CHST11: variants seen among roughly 807,000 people sequenced by gnomAD.
CHST11 encodes the protein carbohydrate sulfotransferase 11.
In CHST11, 9 loss-of-function variants were observed where a neutral mutation model predicts 30.4. The ratio of observed to expected loss-of-function variants is 0.30; its 90% confidence interval spans 0.18 to 0.52. CHST11 has a LOEUF of 0.52. Among genes scored for constraint, CHST11 ranks in the 20% least tolerant of loss-of-function variants. CHST11 has a pLI of 0.97. For missense variants in CHST11, 348 were observed against 460.6 expected (o/e 0.76, Z 2.24); for synonymous variants, 152 against 187.8 (o/e 0.81, Z 1.56).
chr12:104,579,855 G>A (rs114242114), intron 1 of CHST11, among the ~76,000 whole-genome samples: 5 of 152,166 alleles, frequency 3.3e-5, no homozygotes, highest in Non-Finnish European at 7.4e-5. Flanking sequence ...AATGTCTAAG[G>A]TCTAGCAGTA....
intron 2 of CHST11, among the ~76,000 whole-genome samples, chr12:104,663,633 G>C (rs2039617021): frequency 6.6e-6 from 1 of 152,048 alleles, no homozygotes. Flanking sequence ...TTCAAAGGGG[G>C]CTCATACAGA....
At chr12:104,509,191 G>C (rs1046998421) in intron 1 of CHST11, among the ~76,000 whole-genome samples, 6 of 152,280 alleles carry the variant, frequency 3.9e-5, no homozygotes, top group African/African-American at 1.4e-4. Flanking sequence ...TATGAGATCT[G>C]ATGGTTCTAT....
chr12:104,739,121 G>A (rs2040326755), intron 2 of CHST11, among the ~76,000 whole-genome samples: 1 of 152,230 alleles, frequency 6.6e-6, no homozygotes, highest in African/African-American at 2.4e-5. Context: ...GCCGGTGTGT[G>A]CCAGAGGAGC....
In CHST11 at chr12:104,623,713, C is replaced by T. The variant is rs576357649; in HGVS notation, c.204+21722C>T. Among the ~76,000 whole-genome samples, 7 of 150,710 alleles carry T rather than the reference C, an allele frequency of 4.6e-5. No individual in the cohort carries two copies. The South Asian group carries it at 1.5e-3, about 32-fold the overall frequency. On this transcript the variant is annotated intron_variant, in intron 2 of 2. Coordinates refer to ENST00000303694, the MANE Select transcript of CHST11 (RefSeq NM_018413.6). ...TCGCCTGGGTGACAGAGTGAGACTC[C>T]ATCTCAAAAAAAAAAAAAGTTCATG...
intron 1 of CHST11, among the ~76,000 whole-genome samples, chr12:104,520,501 A>G (rs1054481902): frequency 1.1e-4 from 16 of 151,742 alleles, no homozygotes; most frequent in African/African-American, 3.6e-4. Context: ...TTTTTTTTAA[A>G]CAAAACAAAA....
At chr12:104,696,616 AG>A (rs2039949933) in intron 2 of CHST11, among the ~76,000 whole-genome samples, 1 of 151,994 alleles carries the variant, frequency 6.6e-6, no homozygotes, top group Non-Finnish European at 1.5e-5. Context: ...AAGTGAGCCG[AG>A]ATCACGGTAC....
At chr12:104,527,936 T>G (rs1428791230) in intron 1 of CHST11, among the ~76,000 whole-genome samples, 1 of 152,160 alleles carries the variant, frequency 6.6e-6, no homozygotes, top group African/African-American at 2.4e-5. Flanking sequence ...TCAGATCTCA[T>G]GAGAATTCAC....
At chr12:104,511,302 G>A (rs2037963392) in intron 1 of CHST11, among the ~76,000 whole-genome samples, 2 of 152,178 alleles carry the variant, frequency 1.3e-5, no homozygotes, top group African/African-American at 4.8e-5. Flanking sequence ...GCATTGCTCA[G>A]GAAATTATGT....
intron 2 of CHST11, among the ~76,000 whole-genome samples, chr12:104,716,008 G>A (rs938020393): frequency 6.6e-5 from 10 of 152,134 alleles, no homozygotes; most frequent in South Asian, 2.1e-4. Context: ...CAGCAGGCTC[G>A]GCTTGGCTCA....
At chr12:104,612,624 G>A (rs1034973641) in intron 2 of CHST11, among the ~76,000 whole-genome samples, 34 of 152,162 alleles carry the variant, frequency 2.2e-4, no homozygotes, top group Admixed American at 2.2e-3. Context: ...CTTACTGTGT[G>A]TGTCGTGTTC....
chr12:104,641,580 T>A (rs1195664998), intron 2 of CHST11, among the ~76,000 whole-genome samples: 1 of 152,220 alleles, frequency 6.6e-6, no homozygotes, highest in Non-Finnish European at 1.5e-5. Context: ...GTCAGGGAAG[T>A]ATCCTGCTTC....
At chr12:104,646,521 C>G (rs1284873810) in intron 2 of CHST11, among the ~76,000 whole-genome samples, 1 of 152,098 alleles carries the variant, frequency 6.6e-6, no homozygotes, top group Non-Finnish European at 1.5e-5. Context: ...ATCACGAGGT[C>G]AAGAGATCAA....
At chr12:104,508,507 G>A (rs555787136) in intron 1 of CHST11, among the ~76,000 whole-genome samples, 6 of 152,338 alleles carry the variant, frequency 3.9e-5, no homozygotes, top group African/African-American at 1.4e-4. Flanking sequence ...GTTGAAGCAA[G>A]GGTGTGCATC....
intron 1 of CHST11, among the ~76,000 whole-genome samples, chr12:104,538,080 T>G (rs2038254986): frequency 6.6e-6 from 1 of 152,232 alleles, no homozygotes; most frequent in Non-Finnish European, 1.5e-5. Flanking sequence ...CATATTTTAC[T>G]CAGATTTTCT....
chr12:104,721,989 G>A (rs2040180565), intron 2 of CHST11, among the ~76,000 whole-genome samples: 1 of 152,094 alleles, frequency 6.6e-6, no homozygotes, highest in South Asian at 2.1e-4. Context: ...TGCCTGTTTG[G>A]TTTTGGGGGG....
chr12:104,512,294 T>C (rs2037972931), intron 1 of CHST11, among the ~76,000 whole-genome samples: 2 of 152,198 alleles, frequency 1.3e-5, no homozygotes, highest in Admixed American at 1.3e-4. Flanking sequence ...CAGGATCCTT[T>C]GTGGAGGCAA....
chr12:104,514,538 G>A, intron 1 of CHST11: 1 of 514,308 alleles, frequency 1.9e-6, no homozygotes, highest in Non-Finnish European at 3.5e-6. Flanking sequence ...CTAAAAAAAA[G>A]AAAAAAGAAA....
chr12:104,586,609 A>G (rs926491967), intron 1 of CHST11, among the ~76,000 whole-genome samples: 1 of 152,278 alleles, frequency 6.6e-6, no homozygotes, highest in Non-Finnish European at 1.5e-5. Flanking sequence ...AGAGGCAGAC[A>G]TCAGCGTGTC....
chr12:104,667,602 G>T (rs899026265), intron 2 of CHST11, among the ~76,000 whole-genome samples: 1 of 152,190 alleles, frequency 6.6e-6, no homozygotes, highest in African/African-American at 2.4e-5. Flanking sequence ...TCCATCCAGT[G>T]TTGGAGCTAG....
Sources: gnomAD v4.1 joint callset for allele counts (sites outside exome capture counted in the v4.1 genomes callset) on GRCh38, gnomAD v4.1.1 for gene constraint, MANE v1.5 for transcripts, NCBI Gene and HGNC (gene_info 2026-07-23, HGNC 2026-07-21) for gene names.